Variants in SLC26A3 observed in about 807,000 individuals in gnomAD.
The protein encoded by SLC26A3 is chloride anion exchanger.
A neutral mutation model predicts 85.6 loss-of-function variants in SLC26A3; 64 were observed. The observed-to-expected ratio is 0.75, with a 90% confidence interval of 0.61 to 0.92. SLC26A3 has a LOEUF of 0.92. Among genes scored for constraint, SLC26A3 ranks in the 40% least tolerant of loss-of-function variants. The pLI, the probability that SLC26A3 is intolerant of heterozygous loss-of-function variation, is 0.00. For synonymous variants in SLC26A3, 349 were observed against 336.0 expected (o/e 1.04, Z -0.42); for missense variants, 922 against 927.3 (o/e 0.99, Z 0.07).
intron 13 of SLC26A3, 37 bp downstream of exon 13, chr7:107,778,138 C>A: frequency 7.0e-7 from 1 of 1,431,230 alleles, no homozygotes; most frequent in Non-Finnish European, 9.9e-7. Context: ...TGGGCAGGTC[C>A]AAGCCTGCCA....
chr7:107,798,007 T>C (rs73419929), intron 1 of SLC26A3, among the ~76,000 whole-genome samples: 2 of 151,922 alleles, frequency 1.3e-5, no homozygotes, highest in East Asian at 3.9e-4. Flanking sequence ...AGGGTGTCAG[T>C]GGATTTGGGG....
intron 18 of SLC26A3, among the ~76,000 whole-genome samples, chr7:107,770,998 A>G (rs1174065783): frequency 6.6e-6 from 1 of 152,196 alleles, no homozygotes; most frequent in Non-Finnish European, 1.5e-5. Context: ...GGAGAGCATT[A>G]TAGGGATGGG....
intron 11 of SLC26A3, among the ~76,000 whole-genome samples, chr7:107,779,994 G>A (rs755283788): frequency 2.6e-5 from 4 of 152,040 alleles, no homozygotes; most frequent in Non-Finnish European, 4.4e-5. Flanking sequence ...GGCTGCTCTT[G>A]TGATTATGAG....
At chr7:107,784,957 G>C (rs2283043) in intron 8 of SLC26A3, among the ~76,000 whole-genome samples, 51,456 of 151,902 alleles carry the variant, frequency 0.34, 8,888 homozygotes, top group Middle Eastern at 0.54. Context: ...AGGTGGCATA[G>C]TCATGAACAG....
chr7:107,783,239 G>C lies in SLC26A3; in HGVS notation c.1085C>G (p.Ser362Cys). Residue 362 changes from serine (S) to cysteine (C), a missense_variant, in exon 9 of 21, where the codon TCC (serine) becomes TGC (cysteine). Coordinates refer to ENST00000340010, the MANE Select transcript of SLC26A3 (RefSeq NM_000111.3). ...ATCAAGTGGATAATCGTATTTGAGG[G>C]AATAGACGCTGGCAACTGAAAAGGC... The part of the protein sequence containing the change: ...AVAFSVASVY[S>C]LKYDYPLDGN... 1 of 1,614,176 alleles carries C rather than the reference G, an allele frequency of 6.2e-7. No homozygotes were observed. The highest frequency in any genetic ancestry group is 8.5e-7 in the Non-Finnish European group (1 of 1,180,032).
At chr7:107,789,413 T>A in intron 6 of SLC26A3, 111 bp downstream of exon 6, 1 of 1,117,714 alleles carries the variant, frequency 8.9e-7, no homozygotes, top group Non-Finnish European at 1.3e-6. Flanking sequence ...ATGAAAAAAT[T>A]TTACAAACTG....
At position 107,765,603 on chromosome 7, in the gene SLC26A3, A is replaced by G; in HGVS notation, c.*252T>C. 1 of 450,646 alleles carries G rather than the reference A, an allele frequency of 2.2e-6. No homozygotes were observed. Among genetic ancestry groups the G allele is most frequent in the Non-Finnish European group, 4.0e-6 (1 of 251,542 alleles). The allele number at this position is 450,646 out of a possible 1,614,324, so 27.9% of individuals were successfully genotyped here. On this transcript the variant is annotated 3_prime_UTR_variant, in exon 21 of 21. Transcript: ENST00000340010. ...ACTAGGATGGAAATCTGTCAGTGCT[A>G]CAAAAATATGTATGAACAAAATAAT...
rs149154424 is a variant in SLC26A3 at position 107,791,711 on chromosome 7, C to T, written c.382+119G>A. ...TCTCAAACCCTGGTCCTAATTCTCA[C>T]AGGAGACCATGACTCTTCTCCTGGA... On this transcript the variant is annotated intron_variant, in intron 4 of 20. Coordinates refer to ENST00000340010, the MANE Select transcript of SLC26A3 (RefSeq NM_000111.3). 740 of 719,292 alleles carry T rather than the reference C, an allele frequency of 1.0e-3. 6 individuals are homozygous for T. The African/African-American group carries it at 0.012, about 12-fold the overall frequency. The allele number at this position is 719,292 out of a possible 1,614,324, so 44.6% of individuals were successfully genotyped here.
At chr7:107,787,559 T>C (rs766297943) in intron 6 of SLC26A3, 50 bp from the exon 7 acceptor site, 1 of 1,507,702 alleles carries the variant, frequency 6.6e-7, no homozygotes, top group South Asian at 1.1e-5. Context: ...AATGCACAAT[T>C]TGGATACAAC....
chr7:107,791,003 A>G (rs1175109474), intron 5 of SLC26A3, 45 bp downstream of exon 5: 3 of 1,593,408 alleles, frequency 1.9e-6, no homozygotes, highest in African/African-American at 2.7e-5. Context: ...GTAACAGTCA[A>G]GATGAACAGA....
chr7:107,768,635 A>G (rs1793954666), intron 18 of SLC26A3, among the ~76,000 whole-genome samples: 1 of 152,112 alleles, frequency 6.6e-6, no homozygotes, highest in Non-Finnish European at 1.5e-5. Context: ...TTTTTCCTTT[A>G]TTGTTTTCTT....
chr7:107,767,712 AAGG>A (rs1554376646), intron 19 of SLC26A3, 51 bp downstream of exon 19: 2 of 1,609,582 alleles, frequency 1.2e-6, no homozygotes, highest in Non-Finnish European at 1.7e-6. Flanking sequence ...AGAGAAATTT[AAGG>A]AGTGCAGATG....
chr7:107,774,736 C>T lies in SLC26A3; in HGVS notation c.1773+41G>A, dbSNP rs375643870. ...ACACCTTGAATCATCCTTTACTAAG[C>T]TTTTAGCTATAATGCATAGAAATGT... On this transcript the variant is annotated intron_variant, in intron 16 of 20. Coordinates refer to ENST00000340010, the MANE Select transcript of SLC26A3 (RefSeq NM_000111.3). 1.6e-5 allele frequency: 22 copies of T among 1,407,760 alleles called. No homozygotes were observed. The African/African-American group carries it at 2.8e-4, about 18-fold the overall frequency. 87.2% of individuals were successfully genotyped at this position (1,407,760 alleles called of 1,614,324 possible).
intron 12 of SLC26A3, 43 bp from the exon 13 acceptor site, chr7:107,778,324 T>A: frequency 8.3e-7 from 1 of 1,200,264 alleles, no homozygotes; most frequent in Non-Finnish European, 1.2e-6. Context: ...TTACTTTGAT[T>A]AAAGTACAAT....
At chr7:107,780,785 A>T (rs1210505850) in intron 11 of SLC26A3, among the ~76,000 whole-genome samples, 1 of 152,192 alleles carries the variant, frequency 6.6e-6, no homozygotes, top group Non-Finnish European at 1.5e-5. Context: ...AGTGACTTTT[A>T]AAAAATTTGG....
chr7:107,765,899 C>A (rs759850478), intron 20 of SLC26A3, 21 bp from the exon 21 acceptor site: 9 of 1,606,064 alleles, frequency 5.6e-6, no homozygotes, highest in Non-Finnish European at 6.8e-6. Context: ...ACAGAAAGTT[C>A]TTGTTTTAAA....
intron 4 of SLC26A3, among the ~76,000 whole-genome samples, 169 bp from the exon 5 acceptor site, chr7:107,791,404 G>C (rs754225049): frequency 6.6e-5 from 10 of 152,182 alleles, no homozygotes; most frequent in Non-Finnish European, 1.5e-4. Context: ...CTGAGGTCGG[G>C]AGTTTGAGAC....
intron 1 of SLC26A3, among the ~76,000 whole-genome samples, 193 bp downstream of exon 1, chr7:107,802,918 A>G (rs971588365): frequency 6.6e-6 from 1 of 152,162 alleles, no homozygotes; most frequent in East Asian, 1.9e-4. Flanking sequence ...AAGTCTACTT[A>G]AATATTTATT....
chr7:107,789,840 C>T (rs1258475514), intron 5 of SLC26A3, 152 bp from the exon 6 acceptor site: 16 of 752,422 alleles, frequency 2.1e-5, no homozygotes, highest in Middle Eastern at 3.0e-4. Flanking sequence ...CCTCCTGGGA[C>T]GCCTCCCACC....
Sources: allele counts gnomAD v4.1 joint callset (sites outside exome capture counted in the v4.1 genomes callset), GRCh38; gene constraint gnomAD v4.1.1; transcripts MANE v1.5; gene names NCBI Gene and HGNC (gene_info 2026-07-23, HGNC 2026-07-21).